The following KCP variants were observed in gnomAD, a reference collection of about 807,000 sequenced individuals.
KCP encodes the protein kielin cysteine rich BMP regulator, also known as kielin/chordin-like protein.
Under a neutral mutation model 212.7 loss-of-function variants are expected in KCP, and 194 were observed. That is an observed-to-expected ratio of 0.91 (90% CI 0.81 to 1.03). The LOEUF (loss-of-function observed/expected upper bound fraction) is 1.03. Among genes scored for constraint, KCP ranks in the 50% least tolerant of loss-of-function variants. The pLI is 0.00. For synonymous variants in KCP, 833 were observed against 865.3 expected (o/e 0.96, Z 0.65); for missense variants, 2,080 against 2,162.5 (o/e 0.96, Z 0.76).
At chr7:128,878,765 G>A (rs1334253391) in intron 37 of KCP, 43 bp from the exon 38 acceptor site, 7 of 1,528,912 alleles carry the variant, frequency 4.6e-6, no homozygotes, top group South Asian at 1.2e-5. Context: ...GAAGGACAGG[G>A]GCCTTAAGAA....
At chr7:128,883,665 T>C (rs894237668) in intron 29 of KCP, among the ~76,000 whole-genome samples, 2 of 152,226 alleles carry the variant, frequency 1.3e-5, no homozygotes, top group Admixed American at 1.3e-4. Context: ...TAATAAATTT[T>C]TACTCTAACA....
chr7:128,881,434 C>T (rs1793326823), intron 31 of KCP, among the ~76,000 whole-genome samples, 192 bp downstream of exon 31: 1 of 152,244 alleles, frequency 6.6e-6, no homozygotes, highest in South Asian at 2.1e-4. Context: ...ATCCCAGCTT[C>T]CCCCTGCCTC....
intron 26 of KCP, 45 bp downstream of exon 26, chr7:128,886,419 G>A (rs1461500212): frequency 2.0e-6 from 3 of 1,482,370 alleles, no homozygotes; most frequent in African/African-American, 1.4e-5. Context: ...GAGGGACACA[G>A]GGCCAAGGGG....
intron 2 of KCP, among the ~76,000 whole-genome samples, 158 bp downstream of exon 2, chr7:128,908,268 A>AAG (rs1473867814): frequency 2.0e-5 from 3 of 147,588 alleles, no homozygotes; most frequent in African/African-American, 7.4e-5. Context: ...GAAAGAAAGA[A>AAG]AGAAAGAAAG....
chr7:128,893,540 C>T (rs1006248438), intron 11 of KCP, 64 bp from the exon 12 acceptor site: 1 of 1,257,680 alleles, frequency 8.0e-7, no homozygotes, highest in Non-Finnish European at 1.1e-6. Context: ...TTCACGTCAC[C>T]CTGAGGTGTC....
Position 128,884,877 on chromosome 7 carries a change from TGA to T in KCP, c.3041-16_3041-15del, listed in dbSNP as rs1793549704. 2 of 1,548,908 alleles carry T rather than the reference TGA, an allele frequency of 1.3e-6. No individual in the cohort carries two copies. The highest frequency in any genetic ancestry group is 2.0e-5 in the Admixed American group (1 of 50,858). Reference sequence around the variant, plus strand: ...CATGCTCACAGTCTTTGGGGTGGAGTGAGAGCAGAACGGGACCAGGGGTCCTT... The same window carrying T: ...CATGCTCACAGTCTTTGGGGTGGAGTGAGCAGAACGGGACCAGGGGTCCTT... On this transcript the variant is annotated splice_polypyrimidine_tract_variant and intron_variant, in intron 27 of 39. Coordinates refer to ENST00000610776, the MANE Select transcript of KCP (RefSeq NM_001366122.1).
In KCP at chr7:128,891,776, G is replaced by A. The variant is rs1794161658; in HGVS notation, c.1665C>T (p.Phe555=). The A allele has an allele frequency of 4.1e-6, 6 of 1,450,354 alleles. No homozygotes were observed. The highest frequency in any genetic ancestry group is 2.7e-6 in the Non-Finnish European group (3 of 1,099,402). 89.8% of individuals were successfully genotyped at this position (1,450,354 alleles called of 1,614,324 possible). ...CCTGGCAGGGGTCTCGGGGGTGGGA[G>A]AAGCTCTCGCCGTCCACAAACACCT... ...EEEVFVDGES[F]SHPRDPCQEC... The change falls in exon 17 of 40, where the codon TTC becomes TTT. Residue 555 remains phenylalanine (F), a synonymous_variant. Coordinates refer to ENST00000610776, the MANE Select transcript of KCP (RefSeq NM_001366122.1).
chr7:128,909,448 G>A (rs1229809239), intron 1 of KCP, among the ~76,000 whole-genome samples: 1 of 152,184 alleles, frequency 6.6e-6, no homozygotes, highest in Non-Finnish European at 1.5e-5. Context: ...CAAAGGCAGA[G>A]GGGATTCTAG....
chr7:128,886,381 G>T lies in KCP; in HGVS notation c.2866+83C>A, dbSNP rs1203824721. The stretch of plus-strand genomic sequence containing the variant: ...GGGGCAGGGAGGTGGGAGAAGAGCT[G>T]GCTGAGGGGAGGGAGGTGGGGTGGA... On this transcript the variant is annotated intron_variant, in intron 26 of 39. Coordinates refer to ENST00000610776, the MANE Select transcript of KCP (RefSeq NM_001366122.1). The T allele has an allele frequency of 3.1e-5, 36 of 1,180,144 alleles. 1 individual carries two copies. In the Admixed American group the frequency reaches 6.6e-4, roughly 22 times the overall value. 73.1% of individuals were successfully genotyped at this position (1,180,144 alleles called of 1,614,324 possible).
rs757977722 is a variant in KCP at position 128,893,483 on chromosome 7, G to T, written c.1100-7C>A. On this transcript the variant is annotated splice_region_variant and splice_polypyrimidine_tract_variant and intron_variant, in intron 11 of 39. Transcript: ENST00000610776. ...TGTCCCTGGTACTCACAGCCTGGAT[G>T]GGATGACAGGGGCGTGGGGGTATAG... The T allele has an allele frequency of 6.5e-7, 1 of 1,540,138 alleles. No homozygotes were observed.
intron 23 of KCP, 31 bp downstream of exon 23, chr7:128,887,184 G>T (rs1197056604): frequency 3.2e-6 from 5 of 1,540,098 alleles, no homozygotes; most frequent in South Asian, 2.4e-5. Context: ...AGGGAGGAAA[G>T]GTTACCAAGG....
Position 128,880,284 on chromosome 7 carries a change from G to T in KCP, c.3759+102C>A. Reference sequence around the variant, plus strand: ...CACTGTCCCCAGCTCCCAGCTGGCGGCAGGAGCCCAGCCTCCCTCTCTGAT... The same window carrying T: ...CACTGTCCCCAGCTCCCAGCTGGCGTCAGGAGCCCAGCCTCCCTCTCTGAT... On this transcript the variant is annotated intron_variant, in intron 34 of 39. Coordinates refer to ENST00000610776, the MANE Select transcript of KCP (RefSeq NM_001366122.1). 10 of 1,399,772 alleles carry T rather than the reference G, an allele frequency of 7.1e-6. 1 individual carries two copies. The highest frequency in any genetic ancestry group is 8.6e-6 in the Non-Finnish European group (9 of 1,048,328). 86.7% of individuals were successfully genotyped at this position (1,399,772 alleles called of 1,614,324 possible).
intron 29 of KCP, 80 bp downstream of exon 29, chr7:128,883,922 G>T: frequency 6.8e-7 from 1 of 1,465,830 alleles, no homozygotes; most frequent in South Asian, 1.4e-5. Flanking sequence ...AGAATCTGGG[G>T]CTGGGACTGG....
chr7:128,880,266 C>G, intron 34 of KCP, 120 bp downstream of exon 34: 2 of 1,354,904 alleles, frequency 1.5e-6, no homozygotes, highest in African/African-American at 2.9e-5. Context: ...CAGCACTGTC[C>G]CCAGCTCCCA....
chr7:128,895,389 C>T (rs1794455599), intron 8 of KCP, among the ~76,000 whole-genome samples: 1 of 152,218 alleles, frequency 6.6e-6, no homozygotes. Context: ...GCCACTACCC[C>T]ATGGCCTGAC....
chr7:128,892,406 A>T, intron 16 of KCP, 108 bp downstream of exon 16: 1 of 805,430 alleles, frequency 1.2e-6, no homozygotes, highest in Non-Finnish European at 2.0e-6. Flanking sequence ...CAAGACTGAA[A>T]CAATTCAGAA....
Position 128,887,973 on chromosome 7 carries a change from A to G in KCP, c.2513-673T>C, listed in dbSNP as rs111203926. ...CACACATCCCCACATACACAGATGC[A>G]CACACACCCACACACAGAGACCCCC... On this transcript the variant is annotated intron_variant, in intron 22 of 39. Coordinates refer to ENST00000610776, the MANE Select transcript of KCP (RefSeq NM_001366122.1). 9.1e-3 allele frequency among the ~76,000 whole-genome samples: 1,352 copies of G among 148,620 alleles called. 32 individuals carry two copies. Among genetic ancestry groups the G allele is most frequent in the African/African-American group, 0.032 (1,308 of 40,384 alleles).
chr7:128,888,744 G>A (rs1793900735), intron 22 of KCP, 119 bp downstream of exon 22: 1 of 983,116 alleles, frequency 1.0e-6, no homozygotes, highest in African/African-American at 1.6e-5. Context: ...GAGTCGGAGA[G>A]TGAGAGAAAA....
At position 128,891,211 on chromosome 7, in the gene KCP, G is replaced by C. The variant is rs1441361184; in HGVS notation, c.1946C>G (p.Pro649Arg). The change falls in exon 19 of 40, where the codon CCG becomes CGG. Residue 649 changes from proline to arginine, a missense_variant. Transcript: ENST00000610776. Reference sequence around the variant, plus strand: ...TGGGCACTGCGGGCAGCACTCTCCCGGCAGCAGGACAGGCTCTGGACAGGG... The same window carrying C: ...TGGGCACTGCGGGCAGCACTCTCCCCGCAGCAGGACAGGCTCTGGACAGGG... ...PLPCPEPVLLPGECCPQCPAA... is the reference protein window; with the variant it reads ...PLPCPEPVLLRGECCPQCPAA... The C allele has an allele frequency of 1.9e-6, 3 of 1,544,984 alleles. No individual in the cohort carries two copies. Among genetic ancestry groups the C allele is most frequent in the Non-Finnish European group, 8.7e-7 (1 of 1,146,568 alleles).
Sources: gnomAD v4.1 joint callset for allele counts (sites outside exome capture counted in the v4.1 genomes callset) on GRCh38, gnomAD v4.1.1 for gene constraint, MANE v1.5 for transcripts, NCBI Gene and HGNC (gene_info 2026-07-23, HGNC 2026-07-21) for gene names.